DRAM1: variants seen among roughly 807,000 people sequenced by gnomAD.
DRAM1 encodes DNA damage regulated autophagy modulator 1.
In DRAM1, 25 loss-of-function variants were observed where a neutral mutation model predicts 28.5. That is an observed-to-expected ratio of 0.88 (90% confidence interval 0.64 to 1.23). The LOEUF (loss-of-function observed/expected upper bound fraction) is 1.23, where lower values mean the gene tolerates loss of function less well. Ranked by LOEUF, DRAM1 falls within the 50% of genes most tolerant of loss-of-function variation. The probability of loss-of-function intolerance (pLI) is 0.00; values close to 1 mark genes in which losing one functional copy is unlikely to be tolerated. For missense variants in DRAM1, 249 were observed against 299.2 expected (o/e 0.83, Z 1.24); for synonymous variants, 113 against 114.2 (o/e 0.99, Z 0.07).
At chr12:101,921,131 T>C (rs1033237034) in intron 6 of DRAM1, 85 bp from the exon 7 acceptor site, 15 of 946,664 alleles carry the variant, frequency 1.6e-5, no homozygotes, top group Non-Finnish European at 2.6e-5. Context: ...ATTCCTTAGG[T>C]GGTGCAGAGC....
chr12:101,881,325 T>C (rs1375226467), intron 1 of DRAM1, among the ~76,000 whole-genome samples: 1 of 150,810 alleles, frequency 6.6e-6, no homozygotes, highest in Non-Finnish European at 1.5e-5. Context: ...ACTCTACATT[T>C]ATCTACTGGC....
intron 2 of DRAM1, among the ~76,000 whole-genome samples, chr12:101,899,193 A>G (rs1873499759): frequency 6.6e-6 from 1 of 152,176 alleles, no homozygotes. Context: ...TAGTCCTCCT[A>G]AAGTTTTGGA....
chr12:101,900,641 A>G (rs1486422457), intron 2 of DRAM1, among the ~76,000 whole-genome samples: 3 of 152,354 alleles, frequency 2.0e-5, no homozygotes, highest in Non-Finnish European at 4.4e-5. Context: ...TTGAATTTTC[A>G]TTTATTAGAC....
intron 1 of DRAM1, among the ~76,000 whole-genome samples, chr12:101,895,566 A>ATTTTTGGTTTTTTT (rs61325494): frequency 4.8e-5 from 5 of 103,422 alleles, no homozygotes; most frequent in Non-Finnish European, 7.3e-5. Context: ...AAGGGAGGCT[A>ATTTTTGGTTTTTTT]TTTTTTTTTT....
intron 4 of DRAM1, among the ~76,000 whole-genome samples, chr12:101,913,535 G>A (rs1023700006): frequency 6.6e-6 from 1 of 151,644 alleles, no homozygotes; most frequent in Admixed American, 6.6e-5. Flanking sequence ...GAGAAACACC[G>A]TCTCTACTAA....
intron 5 of DRAM1, among the ~76,000 whole-genome samples, chr12:101,917,495 T>A (rs114882821): frequency 0.059 from 8,994 of 151,746 alleles, 894 homozygotes; most frequent in African/African-American, 0.21. Flanking sequence ...AAAACTAGCC[T>A]GGCCAATATG....
rs759483969 is a variant in DRAM1 at position 101,914,154 on chromosome 12, T to C, written c.521-20T>C. On this transcript the variant is annotated intron_variant, in intron 4 of 6. Transcript: ENST00000258534. ...GAACTGTTGTGTGCTGTAGTTTCCTTAACTGTTTACTTCTTTCAGTGATTG... is the reference window on the plus strand; with the variant it reads ...GAACTGTTGTGTGCTGTAGTTTCCTCAACTGTTTACTTCTTTCAGTGATTG... 1 of 1,583,400 alleles carries C rather than the reference T, an allele frequency of 6.3e-7. No homozygotes were observed. The highest frequency in any genetic ancestry group is 1.8e-5 in the Admixed American group (1 of 55,394).
intron 1 of DRAM1, among the ~76,000 whole-genome samples, chr12:101,895,186 G>GTTTTTTTTTTTGTTGTTTTT (rs1873300974): frequency 2.6e-5 from 2 of 75,720 alleles, no homozygotes; most frequent in Non-Finnish European, 4.7e-5. Flanking sequence ...AACCCTTCAG[G>GTTTTTTTTTTTGTTGTTTTT]TTTTTTTTTT....
intron 3 of DRAM1, among the ~76,000 whole-genome samples, chr12:101,904,418 G>A (rs1873718779): frequency 9.8e-6 from 1 of 102,196 alleles, no homozygotes; most frequent in Admixed American, 1.0e-4. Flanking sequence ...GAGTGATAGA[G>A]CTTTAGGGGT....
intron 3 of DRAM1, among the ~76,000 whole-genome samples, chr12:101,907,646 G>A (rs1299129790): frequency 1.3e-5 from 2 of 152,156 alleles, no homozygotes; most frequent in African/African-American, 4.8e-5. Flanking sequence ...AGCTGAGACA[G>A]GAGAATTGCT....
rs1352140463 is a variant in DRAM1 at position 101,904,084 on chromosome 12, T to TCAAG, written c.342+2655_342+2658dup. On this transcript the variant is annotated intron_variant, in intron 3 of 6. Coordinates refer to ENST00000258534, the MANE Select transcript of DRAM1 (RefSeq NM_018370.3). ...TCACTGCAACCTCCGCCTCTCAGGT[T>TCAAG]CAAGCAATTATCCCTGCTTCAGCCT... 3.9e-5 allele frequency among the ~76,000 whole-genome samples: 6 copies of TCAAG among 152,226 alleles called. No homozygotes were observed. The South Asian group carries it at 1.0e-3, about 26-fold the overall frequency.
intron 2 of DRAM1, among the ~76,000 whole-genome samples, chr12:101,898,219 C>T (rs964487693): frequency 1.3e-5 from 2 of 152,010 alleles, no homozygotes; most frequent in African/African-American, 4.8e-5. Context: ...GATGGGGTTT[C>T]ACCATGTTGC....
intron 1 of DRAM1, among the ~76,000 whole-genome samples, chr12:101,891,939 C>G (rs4764658): frequency 3.9e-5 from 6 of 151,982 alleles, no homozygotes; most frequent in Non-Finnish European, 7.4e-5. Flanking sequence ...AGTTAGGCCA[C>G]CCAAATACTA....
intron 1 of DRAM1, among the ~76,000 whole-genome samples, chr12:101,889,051 C>A (rs1424213900): frequency 6.6e-6 from 1 of 152,050 alleles, no homozygotes; most frequent in Non-Finnish European, 1.5e-5. Flanking sequence ...GATCCTCCCA[C>A]CTCAGCCTCA....
In DRAM1 at chr12:101,877,966, A is replaced by G. The variant is rs1594286307; in HGVS notation, c.131+46A>G. On this transcript the variant is annotated intron_variant, in intron 1 of 6. Coordinates refer to ENST00000258534, the MANE Select transcript of DRAM1 (RefSeq NM_018370.3). This position sits in a 1 kb window ranked among gnomAD's most constrained non-coding sequence, Gnocchi z 4.1. ...CAGGGCCCCAGGAGCAGGCACAGGG[A>G]CCACAGGGAGCGCTGCCGACGGGGA... is the stretch of plus-strand genomic sequence containing the variant. 7.0e-7 allele frequency: 1 copy of G among 1,418,756 alleles called. No individual in the cohort carries two copies. The highest frequency in any genetic ancestry group is 2.3e-5 in the Admixed American group (1 of 42,754). 87.9% of individuals were successfully genotyped at this position (1,418,756 alleles called of 1,614,324 possible).
At position 101,877,592 on chromosome 12, in the gene DRAM1, C is replaced by A; in HGVS notation, c.-198C>A. 1 of 304,034 alleles carries A rather than the reference C, an allele frequency of 3.3e-6. No homozygotes were observed. The highest frequency in any genetic ancestry group is 5.9e-6 in the Non-Finnish European group (1 of 169,362). The allele number at this position is 304,034 out of a possible 1,614,324, so 18.8% of individuals were successfully genotyped here. On this transcript the variant is annotated 5_prime_UTR_variant, in exon 1 of 7. Transcript: ENST00000258534. This position sits in a 1 kb window ranked among gnomAD's most constrained non-coding sequence, Gnocchi z 4.1. ...CCGCGCCCCACCCACTCTGGCCCGG[C>A]AGCCTCGCCGCCCGCAGCCTCGCTC...
intron 2 of DRAM1, among the ~76,000 whole-genome samples, chr12:101,899,519 G>T (rs1873515100): frequency 6.6e-6 from 1 of 151,610 alleles, no homozygotes; most frequent in South Asian, 2.1e-4. Flanking sequence ...AAGAAAGAAA[G>T]AAAAAAGAAG....
intron 1 of DRAM1, 53 bp from the exon 2 acceptor site, chr12:101,897,810 A>T (rs1159260530): frequency 8.4e-6 from 11 of 1,302,764 alleles, no homozygotes; most frequent in Non-Finnish European, 1.2e-5. Context: ...GTCTTCCCAG[A>T]GGTCTGGACA....
chr12:101,885,240 A>C (rs929120128), intron 1 of DRAM1, among the ~76,000 whole-genome samples: 6 of 152,188 alleles, frequency 3.9e-5, no homozygotes, highest in Admixed American at 6.5e-5. Flanking sequence ...ATACAATTTT[A>C]TGATTATATT....
Sources: allele counts gnomAD v4.1 joint callset (sites outside exome capture counted in the v4.1 genomes callset), GRCh38; gene constraint gnomAD v4.1.1; non-coding constraint Gnocchi (gnomAD v3.1); transcripts MANE v1.5; gene names NCBI Gene and HGNC (gene_info 2026-07-23, HGNC 2026-07-21).